Variants in RAP1GAP2 observed in about 807,000 individuals in gnomAD.
RAP1GAP2 encodes rap1 GTPase-activating protein 2.
Under a neutral mutation model 95.0 loss-of-function variants are expected in RAP1GAP2, and 27 were observed. The ratio of observed to expected loss-of-function variants is 0.28; its 90% CI spans 0.21 to 0.39. The LOEUF (loss-of-function observed/expected upper bound fraction) is 0.39. Among genes scored for constraint, RAP1GAP2 ranks in the 10% least tolerant of loss-of-function variants. The pLI is 1.00. For missense variants in RAP1GAP2, 771 were observed against 970.0 expected (o/e 0.79, Z 2.72); for synonymous variants, 373 against 380.9 (o/e 0.98, Z 0.24).
chr17:2,977,105 A>G (rs1414096251), intron 8 of RAP1GAP2, among the ~76,000 whole-genome samples: 1 of 151,266 alleles, frequency 6.6e-6, no homozygotes, highest in Non-Finnish European at 1.5e-5. Context: ...CCTGGGCAAC[A>G]AGAATGAAAC....
intron 3 of RAP1GAP2, among the ~76,000 whole-genome samples, chr17:2,924,548 G>GGA (rs1192348194): frequency 4.1e-4 from 63 of 151,922 alleles, no homozygotes; most frequent in African/African-American, 1.5e-3. Context: ...AGGTGGGGAG[G>GGA]GGAAAAGAGG....
Position 2,905,279 on chromosome 17 carries a change from C to T in RAP1GAP2, c.81-5C>T. ...CCTCACTCACCTCTTTTGGCCTCTTCACAGGAAGCAGGAGCTGGCCAACAG... is the reference window on the plus strand; with the variant it reads ...CCTCACTCACCTCTTTTGGCCTCTTTACAGGAAGCAGGAGCTGGCCAACAG... On this transcript the variant is annotated splice_polypyrimidine_tract_variant and splice_region_variant and intron_variant, in intron 2 of 24. Transcript: ENST00000254695. 3 of 1,613,580 alleles carry T rather than the reference C, an allele frequency of 1.9e-6. No individual in the cohort carries two copies. Among genetic ancestry groups the T allele is most frequent in the Non-Finnish European group, 2.5e-6 (3 of 1,179,624 alleles).
chr17:2,801,892 T>C (rs2069316894), intron 2 of RAP1GAP2, among the ~76,000 whole-genome samples: 1 of 152,162 alleles, frequency 6.6e-6, no homozygotes, highest in African/African-American at 2.4e-5. Flanking sequence ...CAAACCATTT[T>C]GTCTGCATCC....
rs892741628 is a variant in RAP1GAP2, at chr17:2,902,298, C to A, written c.81-2986C>A. On this transcript the variant is annotated intron_variant, in intron 2 of 24. Transcript: ENST00000254695. This position sits in a 1 kb window ranked among gnomAD's most constrained non-coding sequence, Gnocchi z 4.1. ...GTGGCACGATCTCAGCTCACTGCAACCTCCACCTCTTGGGTTCAAGCGATT... is the reference window on the plus strand; with the variant it reads ...GTGGCACGATCTCAGCTCACTGCAAACTCCACCTCTTGGGTTCAAGCGATT... Among the ~76,000 whole-genome samples the A allele has an allele frequency of 6.6e-6, 1 of 152,086 alleles. No homozygotes were observed. The highest frequency in any genetic ancestry group is 1.5e-5 in the Non-Finnish European group (1 of 68,020).
chr17:2,792,553 G>A (rs776457312), upstream of RAP1GAP2, among the ~76,000 whole-genome samples: 8 of 152,218 alleles, frequency 5.3e-5, no homozygotes, highest in Non-Finnish European at 1.2e-4. Context: ...GTCTGGGAGA[G>A]TCCCTTCCCC....
rs978116153 is a variant in RAP1GAP2, at chr17:3,022,315, G to T, written c.1751+1720G>T. Among the ~76,000 whole-genome samples the T allele has an allele frequency of 3.3e-5, 5 of 152,196 alleles. No homozygotes were observed. The South Asian group carries it at 1.0e-3, about 31-fold the overall frequency. On this transcript the variant is annotated intron_variant, in intron 19 of 24. Coordinates refer to ENST00000254695, the MANE Select transcript of RAP1GAP2 (RefSeq NM_015085.5). ...GGGAACCCTTTTTCATTGCTGGTGG[G>T]AATGTAAAATAGTGCAACTACTTTG...
intron 2 of RAP1GAP2, among the ~76,000 whole-genome samples, chr17:2,897,208 C>G (rs910387615): frequency 6.6e-6 from 1 of 151,944 alleles, no homozygotes. Flanking sequence ...CGTGGTGGCG[C>G]GTGCCTGTAA....
intron 2 of RAP1GAP2, among the ~76,000 whole-genome samples, chr17:2,900,019 G>A (rs982939302): frequency 1.3e-5 from 2 of 152,186 alleles, no homozygotes. Context: ...CCAGCTGTCT[G>A]TATTCCTCTA....
chr17:2,823,168 T>G (rs934475918), intron 2 of RAP1GAP2, among the ~76,000 whole-genome samples: 1 of 152,064 alleles, frequency 6.6e-6, no homozygotes, highest in African/African-American at 2.4e-5. Context: ...TCCCTGACAT[T>G]TTCTCTGTTG....
intron 3 of RAP1GAP2, among the ~76,000 whole-genome samples, chr17:2,943,333 A>G (rs1228019035): frequency 6.6e-6 from 1 of 152,214 alleles, no homozygotes. Context: ...AAAATGTATA[A>G]GGAACTCCTA....
intron 2 of RAP1GAP2, among the ~76,000 whole-genome samples, chr17:2,898,248 G>A (rs1467786594): frequency 6.6e-6 from 1 of 152,120 alleles, no homozygotes; most frequent in Non-Finnish European, 1.5e-5. Context: ...GTCTAGAGTT[G>A]GTGCCCCAAA....
chr17:2,965,368 C>T lies in RAP1GAP2; in HGVS notation c.493-172C>T, dbSNP rs141443121. 2.0e-4 allele frequency: 121 copies of T among 610,818 alleles called. No homozygotes were observed. Among genetic ancestry groups the T allele is most frequent in the African/African-American group, 1.9e-3 (105 of 54,172 alleles). The allele number at this position is 610,818 out of a possible 1,614,324, so 37.8% of individuals were successfully genotyped here. A position where few individuals can be genotyped will look rare whatever the true frequency, so the allele number is the denominator to read the frequency against. ...TAAGCCCCTGGCACGGTGCCTGGCG[C>T]CTCCTGAGGATCCGGCCGTCGGTAC... is the stretch of plus-strand genomic sequence containing the variant. On this transcript the variant is annotated intron_variant, in intron 7 of 24. Transcript: ENST00000254695. This position sits in a 1 kb window ranked among gnomAD's most constrained non-coding sequence, Gnocchi z 4.7.
At chr17:2,930,970 A>G (rs2043125455) in intron 3 of RAP1GAP2, among the ~76,000 whole-genome samples, 1 of 151,960 alleles carries the variant, frequency 6.6e-6, no homozygotes, top group African/African-American at 2.4e-5. Flanking sequence ...CTAAACATAC[A>G]AAAAAACTAG....
intron 1 of RAP1GAP2, among the ~76,000 whole-genome samples, chr17:2,798,348 C>T (rs141826510): frequency 3.5e-4 from 53 of 152,268 alleles, no homozygotes; most frequent in African/African-American, 1.2e-3. Flanking sequence ...CAGGCTCAGT[C>T]GATGCTTGTG....
chr17:3,002,899 T>G (rs1264782008), intron 14 of RAP1GAP2, among the ~76,000 whole-genome samples: 2 of 151,336 alleles, frequency 1.3e-5, no homozygotes, highest in African/African-American at 2.4e-5. Context: ...CGTGCTTGGG[T>G]GTGTGTGTGT....
intron 2 of RAP1GAP2, among the ~76,000 whole-genome samples, chr17:2,828,375 T>C (rs1186277141): frequency 6.6e-6 from 1 of 151,294 alleles, no homozygotes; most frequent in Non-Finnish European, 1.5e-5. Flanking sequence ...AATACTGCGA[T>C]TTCCTAGCAA....
At chr17:2,852,109 A>T (rs1398615426) in intron 2 of RAP1GAP2, among the ~76,000 whole-genome samples, 1 of 152,176 alleles carries the variant, frequency 6.6e-6, no homozygotes, top group African/African-American at 2.4e-5. Context: ...AGAGGGGAAG[A>T]GAAGCTCTGG....
chr17:2,913,250 C>T (rs942921934), intron 3 of RAP1GAP2, among the ~76,000 whole-genome samples: 1 of 151,934 alleles, frequency 6.6e-6, no homozygotes, highest in Non-Finnish European at 1.5e-5. Context: ...TCCCTCCTCA[C>T]CTGTGCACAC....
intron 2 of RAP1GAP2, among the ~76,000 whole-genome samples, chr17:2,822,536 G>C (rs2070348183): frequency 6.6e-6 from 1 of 151,952 alleles, no homozygotes; most frequent in Non-Finnish European, 1.5e-5. Flanking sequence ...CAGGTGGGAG[G>C]ATTGCTTGAG....
Sources: allele counts gnomAD v4.1 joint callset (sites outside exome capture counted in the v4.1 genomes callset), GRCh38; gene constraint gnomAD v4.1.1; non-coding constraint Gnocchi (gnomAD v3.1); transcripts MANE v1.5; gene names NCBI Gene and HGNC (gene_info 2026-07-23, HGNC 2026-07-21).